RBFOX1: variants seen among roughly 807,000 people sequenced by gnomAD.
RBFOX1 encodes the protein RNA binding fox-1 homolog 1, also known as RNA binding protein fox-1 homolog 1.
Under a neutral mutation model 57.7 loss-of-function variants are expected in RBFOX1, and 8 were observed. The ratio of observed to expected loss-of-function variants is 0.14; its 90% CI spans 0.08 to 0.25. The LOEUF is 0.25. RBFOX1 is among the 10% of genes least tolerant of loss of function. RBFOX1 has a pLI of 1.00. For missense variants in RBFOX1, 611 were observed against 548.5 expected (o/e 1.11, Z -1.14); for synonymous variants, 326 against 222.4 (o/e 1.47, Z -4.15).
chr16:7,710,548 A>G (rs1040113941), intron 15 of RBFOX1, 75 bp from the exon 16 acceptor site: 2 of 1,590,982 alleles, frequency 1.3e-6, no homozygotes, highest in Non-Finnish European at 8.5e-7. Flanking sequence ...TATTTTTCAC[A>G]TTAGTCTTTT....
chr16:6,145,243 A>T (rs142394986), intron 1 of RBFOX1, among the ~76,000 whole-genome samples: 1 of 151,918 alleles, frequency 6.6e-6, no homozygotes, highest in East Asian at 1.9e-4. Context: ...GTGTCCATGC[A>T]TTCTCATCAT....
At chr16:5,839,877 C>T (rs2056573348) in intron 3 of RBFOX1, among the ~76,000 whole-genome samples, 1 of 152,164 alleles carries the variant, frequency 6.6e-6, no homozygotes, top group Non-Finnish European at 1.5e-5. Context: ...AGCTCATTGA[C>T]TAGAATCAGT....
At chr16:6,998,103 T>G (rs984957533) in intron 3 of RBFOX1, among the ~76,000 whole-genome samples, 1 of 152,120 alleles carries the variant, frequency 6.6e-6, no homozygotes, top group Non-Finnish European at 1.5e-5. Flanking sequence ...TTATATTTAG[T>G]GTACAATAGC....
intron 3 of RBFOX1, among the ~76,000 whole-genome samples, chr16:5,658,185 C>T (rs1005274548): frequency 6.6e-6 from 1 of 152,102 alleles, no homozygotes; most frequent in Admixed American, 6.5e-5. Flanking sequence ...AAGAAAGGCT[C>T]GCAGACCTGG....
intron 1 of RBFOX1, among the ~76,000 whole-genome samples, chr16:6,146,448 T>C (rs1451383256): frequency 2.6e-5 from 4 of 152,136 alleles, no homozygotes; most frequent in Non-Finnish European, 5.9e-5. Flanking sequence ...AGCTGTCCTG[T>C]ACATTGTAGG....
At chr16:5,779,035 A>C (rs1027732447) in intron 3 of RBFOX1, among the ~76,000 whole-genome samples, 2 of 152,202 alleles carry the variant, frequency 1.3e-5, no homozygotes, top group Admixed American at 1.3e-4. Context: ...GGATGAACCA[A>C]CCTATTACTA....
chr16:6,931,300 T>TCTAG (rs1244240266), intron 3 of RBFOX1, among the ~76,000 whole-genome samples: 5 of 109,942 alleles, frequency 4.5e-5, no homozygotes, highest in African/African-American at 7.8e-5. Flanking sequence ...TGTCTGTCTA[T>TCTAG]CTATCTATCT....
At chr16:5,404,194 A>G (rs1022070632) in intron 1 of RBFOX1, among the ~76,000 whole-genome samples, 12 of 152,104 alleles carry the variant, frequency 7.9e-5, no homozygotes, top group Non-Finnish European at 1.6e-4. Context: ...TAATTCATAC[A>G]ATGTACCTTA....
At chr16:7,367,041 TC>T (rs1198151018) in intron 4 of RBFOX1, among the ~76,000 whole-genome samples, 2 of 151,898 alleles carry the variant, frequency 1.3e-5, no homozygotes, top group African/African-American at 4.8e-5. Context: ...CTTGATTCCC[TC>T]CCCCAAACCC....
At chr16:7,072,837 C>A (rs759745973) in intron 4 of RBFOX1, among the ~76,000 whole-genome samples, 1 of 152,168 alleles carries the variant, frequency 6.6e-6, no homozygotes, top group Non-Finnish European at 1.5e-5. Context: ...CTGGGAGGAA[C>A]GTCTTGAACA....
chr16:5,259,824 A>C (rs1363561090), intron 1 of RBFOX1, among the ~76,000 whole-genome samples: 3 of 151,954 alleles, frequency 2.0e-5, no homozygotes, highest in African/African-American at 7.3e-5. Flanking sequence ...AGTTGATTGA[A>C]CTCAAGTTTT....
chr16:5,904,315 T>C (rs2058387813), intron 4 of RBFOX1, among the ~76,000 whole-genome samples: 1 of 152,086 alleles, frequency 6.6e-6, no homozygotes, highest in South Asian at 2.1e-4. Flanking sequence ...GCCAGCAGAA[T>C]ACAAAGCTTC....
At chr16:7,483,059 C>A (rs948214589) in intron 4 of RBFOX1, among the ~76,000 whole-genome samples, 3 of 152,130 alleles carry the variant, frequency 2.0e-5, no homozygotes, top group African/African-American at 7.2e-5. Context: ...GAGAGGGAAG[C>A]CACCCTCGTC....
chr16:5,583,548 C>T (rs2046741789), intron 2 of RBFOX1, among the ~76,000 whole-genome samples: 1 of 152,180 alleles, frequency 6.6e-6, no homozygotes, highest in African/African-American at 2.4e-5. Flanking sequence ...GTCTCTGAAT[C>T]TGCTGTGATT....
At chr16:6,565,618 C>T (rs914283092) in intron 2 of RBFOX1, among the ~76,000 whole-genome samples, 3 of 151,496 alleles carry the variant, frequency 2.0e-5, no homozygotes, top group African/African-American at 2.4e-5. Flanking sequence ...CAGGAGCCTG[C>T]TACCACGCCT....
chr16:7,562,490 G>A (rs2090629402), intron 5 of RBFOX1, among the ~76,000 whole-genome samples: 1 of 152,074 alleles, frequency 6.6e-6, no homozygotes, highest in African/African-American at 2.4e-5. Flanking sequence ...ACGAGACCCT[G>A]GGCAACTATG....
At chr16:5,536,441 G>A (rs1030067522) in intron 2 of RBFOX1, among the ~76,000 whole-genome samples, 1 of 151,844 alleles carries the variant, frequency 6.6e-6, no homozygotes, top group African/African-American at 2.4e-5. Context: ...CACCATGATT[G>A]GTCAGCCTGA....
intron 2 of RBFOX1, among the ~76,000 whole-genome samples, chr16:6,372,654 G>A (rs1227763788): frequency 4.0e-5 from 6 of 151,008 alleles, no homozygotes; most frequent in African/African-American, 1.5e-4. Flanking sequence ...AGAATGGGTG[G>A]AAGTATAGTT....
chr16:5,387,565 A>G (rs2066290446), intron 1 of RBFOX1, among the ~76,000 whole-genome samples: 1 of 152,186 alleles, frequency 6.6e-6, no homozygotes, highest in Admixed American at 6.5e-5. Context: ...CTGATATTAT[A>G]TAAGTGCTTG....
Sources: gnomAD v4.1 joint callset for allele counts (sites outside exome capture counted in the v4.1 genomes callset) on GRCh38, gnomAD v4.1.1 for gene constraint, MANE v1.5 for transcripts, NCBI Gene and HGNC (gene_info 2026-07-23, HGNC 2026-07-21) for gene names.